Variants in MTX2 observed in about 807,000 individuals in gnomAD.
The protein encoded by MTX2 is metaxin 2, also known as metaxin-2.
In MTX2, 35 loss-of-function variants were observed where a neutral mutation model predicts 42.3. That is an observed-to-expected ratio of 0.83 (90% confidence interval 0.63 to 1.10). The LOEUF is 1.10. Among genes scored for constraint, MTX2 ranks in the 50% least tolerant of loss-of-function variants. The pLI is 0.00. For synonymous variants in MTX2, 119 were observed against 100.9 expected, an observed-to-expected ratio of 1.18 and a Z score of -1.08; for missense variants, 307 against 304.1, an observed-to-expected ratio of 1.01 and a Z score of -0.07.
chr2:176,290,747 A>AG (rs1162020517), intron 1 of MTX2, among the ~76,000 whole-genome samples: 6 of 140,250 alleles, frequency 4.3e-5, no homozygotes, highest in Admixed American at 2.9e-4. Context: ...GGGAATAACT[A>AG]GTTTTTTTTT....
rs1483253835 is a variant in MTX2, at chr2:176,297,005, T to C, written c.88+98T>C. ...AATTTACTGCAAAGAGAATATAAAATGTAAAGAAGGGATTCCCTTGTATAA... is the reference window on the plus strand; with the variant it reads ...AATTTACTGCAAAGAGAATATAAAACGTAAAGAAGGGATTCCCTTGTATAA... On this transcript the variant is annotated intron_variant, in intron 2 of 9. Coordinates refer to ENST00000249442, the MANE Select transcript of MTX2 (RefSeq NM_006554.5). 7 of 1,277,340 alleles carry C rather than the reference T, an allele frequency of 5.5e-6. No homozygotes were observed. The Admixed American group carries it at 1.2e-4, about 23-fold the overall frequency. The allele number at this position is 1,277,340 out of a possible 1,614,324, so 79.1% of individuals were successfully genotyped here.
Position 176,337,841 on chromosome 2 carries a change from T to A in MTX2, c.*177T>A. ...ATTTGTGTATACATTAAAATAATTC[T>A]GAATTATTTAATCTGATATGTTGTA... On this transcript the variant is annotated 3_prime_UTR_variant, in exon 10 of 10. Coordinates refer to ENST00000249442, the MANE Select transcript of MTX2 (RefSeq NM_006554.5). 4.2e-6 allele frequency: 2 copies of A among 478,744 alleles called. No homozygotes were observed. Among genetic ancestry groups the A allele is most frequent in the Non-Finnish European group, 6.9e-6 (2 of 289,976 alleles). 29.7% of individuals were successfully genotyped at this position (478,744 alleles called of 1,614,324 possible).
Position 176,303,603 on chromosome 2 carries a change from A to T in MTX2, c.135+5708A>T, listed in dbSNP as rs192758856. On this transcript the variant is annotated intron_variant, in intron 3 of 9. Coordinates refer to ENST00000249442, the MANE Select transcript of MTX2 (RefSeq NM_006554.5). ...GGATTATTTCAGTATATAAAATGTG[A>T]TCTTTATCAAGATAATTGTGAACTT... 5.9e-5 allele frequency among the ~76,000 whole-genome samples: 9 copies of T among 152,228 alleles called. No individual in the cohort carries two copies. The East Asian group carries it at 1.7e-3, about 29-fold the overall frequency.
intron 3 of MTX2, among the ~76,000 whole-genome samples, chr2:176,315,855 AAGGTT>A (rs1199546148): frequency 6.6e-6 from 1 of 152,096 alleles, no homozygotes; most frequent in Non-Finnish European, 1.5e-5. Flanking sequence ...CTAACTTTCT[AAGGTT>A]TATGATCAAA....
chr2:176,313,939 C>T (rs1056288497), intron 3 of MTX2, among the ~76,000 whole-genome samples: 1 of 152,086 alleles, frequency 6.6e-6, no homozygotes, highest in Non-Finnish European at 1.5e-5. Flanking sequence ...GGACAGCAAT[C>T]TCAATGAGTT....
intron 1 of MTX2, among the ~76,000 whole-genome samples, chr2:176,285,418 CT>C (rs61139522): frequency 0.09 from 11,810 of 130,846 alleles, 413 homozygotes; most frequent in Middle Eastern, 0.17. Flanking sequence ...TTGCCACAAT[CT>C]TTTTTTTTTT....
intron 3 of MTX2, among the ~76,000 whole-genome samples, chr2:176,301,361 C>T (rs565194856): frequency 1.6e-4 from 25 of 152,198 alleles, no homozygotes; most frequent in African/African-American, 3.6e-4. Context: ...AAAACAACAA[C>T]GACATTGGTT....
chr2:176,311,076 G>A (rs1575051295), intron 3 of MTX2, among the ~76,000 whole-genome samples: 6 of 152,084 alleles, frequency 3.9e-5, no homozygotes, highest in Non-Finnish European at 7.4e-5. Context: ...CTACAAATGG[G>A]GTTTTGGTGT....
intron 3 of MTX2, among the ~76,000 whole-genome samples, chr2:176,320,762 A>G (rs952159594): frequency 6.8e-6 from 1 of 147,186 alleles, no homozygotes; most frequent in Non-Finnish European, 1.5e-5. Context: ...TGGTGTGATC[A>G]TGGCTTACTG....
At chr2:176,271,370 C>A (rs1178586325) in intron 1 of MTX2, among the ~76,000 whole-genome samples, 1 of 152,052 alleles carries the variant, frequency 6.6e-6, no homozygotes, top group African/African-American at 2.4e-5. Flanking sequence ...CTTAAGAATT[C>A]ATAATCCATA....
rs764461024 is a variant in MTX2 at position 176,337,661 on chromosome 2, A to G, written c.789A>G (p.Ser263=). The G allele has an allele frequency of 6.2e-6, 10 of 1,606,850 alleles. No individual in the cohort carries two copies. In the East Asian group the frequency reaches 1.3e-4, roughly 22 times the overall value. The change falls in exon 10 of 10, where the codon TCA becomes TCG. Residue 263 remains serine (S), a synonymous_variant. Transcript: ENST00000249442. ...AAGATCGTGGTAAAGGCAGGCTGTC[A>G]TAGAGTTATGTGTTAGTCTCAGGAG... ...YFEDRGKGRL[S]
At chr2:176,299,649 C>CCATGACTA (rs1030801537) in intron 3 of MTX2, among the ~76,000 whole-genome samples, 2 of 152,010 alleles carry the variant, frequency 1.3e-5, no homozygotes, top group African/African-American at 4.8e-5. Context: ...CTGATAGTAG[C>CCATGACTA]CATGACTATA....
intron 9 of MTX2, among the ~76,000 whole-genome samples, chr2:176,330,968 TCTAAACTTGTA>T (rs1029304586): frequency 6.6e-6 from 1 of 151,068 alleles, no homozygotes; most frequent in Non-Finnish European, 1.5e-5. Flanking sequence ...TTAACAAAAT[TCTAAACTTGTA>T]CTATTAAACA....
At chr2:176,311,910 A>T (rs746494899) in intron 3 of MTX2, among the ~76,000 whole-genome samples, 1 of 152,058 alleles carries the variant, frequency 6.6e-6, no homozygotes, top group Non-Finnish European at 1.5e-5. Context: ...GGCTGCACCC[A>T]CTGCCCATCC....
At chr2:176,331,639 T>G (rs1285001528) in intron 9 of MTX2, among the ~76,000 whole-genome samples, 4 of 151,182 alleles carry the variant, frequency 2.6e-5, no homozygotes, top group Non-Finnish European at 5.9e-5. Flanking sequence ...GTTCTGTTGA[T>G]CTTTGAAGCA....
rs575119364 is a variant in MTX2 at position 176,290,748 on chromosome 2, GT to G, written c.41-6095del. Among the ~76,000 whole-genome samples the G allele has an allele frequency of 7.7e-3, 1,030 of 134,378 alleles. 5 individuals are homozygous for G. Among genetic ancestry groups the G allele is most frequent in the Non-Finnish European group, 9.9e-3 (614 of 62,246 alleles). 88.2% of individuals were successfully genotyped at this position (134,378 alleles called of 152,430 possible). A position where few individuals can be genotyped will look rare whatever the true frequency, so the allele number is the denominator to read the frequency against. ...TTTGGGCACTCCTAGGGAATAACTAGTTTTTTTTTTTTTTTTTCCTCTCATG... is the reference window on the plus strand; with the variant it reads ...TTTGGGCACTCCTAGGGAATAACTAGTTTTTTTTTTTTTTTTCCTCTCATG... On this transcript the variant is annotated intron_variant, in intron 1 of 9. Coordinates refer to ENST00000249442, the MANE Select transcript of MTX2 (RefSeq NM_006554.5).
intron 1 of MTX2, among the ~76,000 whole-genome samples, chr2:176,282,517 A>G (rs1340904147): frequency 6.6e-6 from 1 of 151,978 alleles, no homozygotes; most frequent in African/African-American, 2.4e-5. Context: ...TTTTGGATCC[A>G]ATTCAGATTT....
intron 1 of MTX2, among the ~76,000 whole-genome samples, chr2:176,296,577 TG>T (rs1343613805): frequency 1.3e-5 from 2 of 152,162 alleles, no homozygotes; most frequent in Admixed American, 6.6e-5. Flanking sequence ...TGAGCTATTT[TG>T]TTTTTTTTAT....
chr2:176,312,445 T>G (rs983383608), intron 3 of MTX2, among the ~76,000 whole-genome samples: 1 of 152,222 alleles, frequency 6.6e-6, no homozygotes, highest in Non-Finnish European at 1.5e-5. Context: ...TGTGTATGAC[T>G]CTAAAAATTA....
Sources: allele counts gnomAD v4.1 joint callset (sites outside exome capture counted in the v4.1 genomes callset), GRCh38; gene constraint gnomAD v4.1.1; transcripts MANE v1.5; gene names NCBI Gene and HGNC (gene_info 2026-07-23, HGNC 2026-07-21).